The following SYNDIG1L variants were observed in gnomAD, a reference collection of about 807,000 sequenced individuals.
SYNDIG1L encodes the protein synapse differentiation inducing 1 like, also known as synapse differentiation-inducing gene protein 1-like.
Under a neutral mutation model 20.1 loss-of-function variants are expected in SYNDIG1L, and 13 were observed. The ratio of observed to expected loss-of-function variants is 0.65; its 90% CI spans 0.42 to 1.03. SYNDIG1L has a LOEUF of 1.03. Among genes scored for constraint, SYNDIG1L ranks in the 50% least tolerant of loss-of-function variants. The pLI, the probability that SYNDIG1L is intolerant of heterozygous loss-of-function variation, is 0.00. For synonymous variants in SYNDIG1L, 128 were observed against 129.3 expected (o/e 0.99, Z 0.07); for missense variants, 294 against 305.1 (o/e 0.96, Z 0.27).
At chr14:74,431,516 C>T in the SYNDIG1L span, among the ~76,000 whole-genome samples, 1 of 152,082 alleles carries the variant, frequency 6.6e-6, no homozygotes, top group African/African-American at 2.4e-5. Context: ...TTTTAATCCT[C>T]AAAATAATTC....
the SYNDIG1L span, chr14:74,476,551 G>A: frequency 6.5e-7 from 1 of 1,535,580 alleles, no homozygotes; most frequent in East Asian, 2.4e-5. Flanking sequence ...TGTGCTCTGT[G>A]GCTAGCATTG....
chr14:74,460,889 A>G, the SYNDIG1L span, among the ~76,000 whole-genome samples: 1 of 151,916 alleles, frequency 6.6e-6, no homozygotes, highest in Non-Finnish European at 1.5e-5. Context: ...GCTCAAAGTG[A>G]TCTGCCCGCC....
chr14:74,432,732 T>A, the SYNDIG1L span, among the ~76,000 whole-genome samples: 5 of 152,120 alleles, frequency 3.3e-5, no homozygotes, highest in Non-Finnish European at 7.3e-5. Context: ...GGCATGCCTG[T>A]AGTCCCAGCT....
At chr14:74,439,145 G>C in the SYNDIG1L span, among the ~76,000 whole-genome samples, 1 of 149,740 alleles carries the variant, frequency 6.7e-6, no homozygotes, top group Non-Finnish European at 1.5e-5. Flanking sequence ...GGCTCAGCTC[G>C]GGGGTTTCCT....
At chr14:74,466,339 T>C in the SYNDIG1L span, among the ~76,000 whole-genome samples, 1 of 151,812 alleles carries the variant, frequency 6.6e-6, no homozygotes, top group Non-Finnish European at 1.5e-5. Flanking sequence ...ACTGGTTGGG[T>C]GGGTGGATAG....
rs2086088178 is a variant in SYNDIG1L at position 74,407,026 on chromosome 14, G to T, written c.*509C>A. On this transcript the variant is annotated 3_prime_UTR_variant, in exon 4 of 4. Coordinates refer to ENST00000331628, the MANE Select transcript of SYNDIG1L (RefSeq NM_001105579.2). Reference sequence around the variant, plus strand: ...ACGTATTTCCTTCTTGGCCTGCTGAGGTCTGGGCATGATGGGGCCAGACAG... The same window carrying T: ...ACGTATTTCCTTCTTGGCCTGCTGATGTCTGGGCATGATGGGGCCAGACAG... The T allele has an allele frequency of 6.1e-6, 1 of 163,564 alleles. No homozygotes were observed. The highest frequency in any genetic ancestry group is 1.3e-5 in the Non-Finnish European group (1 of 74,540). 10.1% of individuals were successfully genotyped at this position (163,564 alleles called of 1,614,324 possible). A position where few individuals can be genotyped will look rare whatever the true frequency, so the allele number is the denominator to read the frequency against.
the SYNDIG1L span, among the ~76,000 whole-genome samples, chr14:74,475,368 G>T: frequency 6.6e-6 from 1 of 150,992 alleles, no homozygotes; most frequent in East Asian, 1.9e-4. Flanking sequence ...GGAAATTAAG[G>T]CCCTAAGAGG....
At chr14:74,412,023 T>C (rs2086134943) in intron 1 of SYNDIG1L, among the ~76,000 whole-genome samples, 1 of 152,184 alleles carries the variant, frequency 6.6e-6, no homozygotes, top group African/African-American at 2.4e-5. Context: ...CAGACGTCTC[T>C]CCACAGGCAG....
the SYNDIG1L span, among the ~76,000 whole-genome samples, chr14:74,435,957 C>T: frequency 6.6e-6 from 1 of 152,150 alleles, no homozygotes; most frequent in African/African-American, 2.4e-5. Flanking sequence ...CTGTAAAATC[C>T]TCTACTTGGC....
chr14:74,452,105 G>C, the SYNDIG1L span, among the ~76,000 whole-genome samples: 1 of 151,708 alleles, frequency 6.6e-6, no homozygotes. Flanking sequence ...TATAGAAATG[G>C]CAAGTAAACA....
chr14:74,456,055 C>T, the SYNDIG1L span, among the ~76,000 whole-genome samples: 1 of 152,218 alleles, frequency 6.6e-6, no homozygotes, highest in Non-Finnish European at 1.5e-5. Context: ...CCAATGATTT[C>T]TGTAGGAGTC....
intron 1 of SYNDIG1L, among the ~76,000 whole-genome samples, chr14:74,417,803 T>C (rs1216559881): frequency 2.0e-5 from 3 of 152,140 alleles, no homozygotes; most frequent in Non-Finnish European, 1.5e-5. Context: ...TTGAATGAGT[T>C]AAAACCAGAG....
chr14:74,410,213 C>T (rs1198447782), intron 1 of SYNDIG1L, among the ~76,000 whole-genome samples: 2 of 152,174 alleles, frequency 1.3e-5, no homozygotes, highest in African/African-American at 4.8e-5. Context: ...TGAAGAAGTA[C>T]AGCAGGTGCA....
Position 74,407,542 on chromosome 14 carries a change from T to C in SYNDIG1L, c.710A>G (p.His237Arg). ...TGCAGGCCCTACTGGCTACTAGCCATGACCGTTCTGGGACATGTAAGCTGC... is the reference window on the plus strand; with the variant it reads ...TGCAGGCCCTACTGGCTACTAGCCACGACCGTTCTGGGACATGTAAGCTGC... ...ALAAYMSQNG[H>R]G Residue 237 changes from histidine (H) to arginine (R), a missense_variant, in exon 4 of 4, where the codon CAT (histidine) becomes CGT (arginine). By Grantham distance (29) the His-to-Arg change is conservative. Transcript: ENST00000331628. 2.5e-6 allele frequency: 4 copies of C among 1,613,818 alleles called. No homozygotes were observed. The highest frequency in any genetic ancestry group is 3.4e-6 in the Non-Finnish European group (4 of 1,179,882).
the SYNDIG1L span, among the ~76,000 whole-genome samples, chr14:74,440,621 C>A: frequency 6.6e-6 from 1 of 151,458 alleles, no homozygotes; most frequent in Non-Finnish European, 1.5e-5. Context: ...GGAGGCAGAG[C>A]TTGCAGTAAG....
chr14:74,458,554 G>A, the SYNDIG1L span, among the ~76,000 whole-genome samples: 99 of 150,696 alleles, frequency 6.6e-4, no homozygotes, highest in Non-Finnish European at 2.2e-4. Context: ...CCCAGGAGGC[G>A]GAGGTTGCAG....
chr14:74,478,160 G>A, the SYNDIG1L span, among the ~76,000 whole-genome samples: 3 of 152,080 alleles, frequency 2.0e-5, no homozygotes, highest in East Asian at 1.9e-4. Context: ...CCTTACAGGA[G>A]CTTTTATGGA....
intron 1 of SYNDIG1L, among the ~76,000 whole-genome samples, chr14:74,416,678 A>G (rs2086178088): frequency 6.6e-6 from 1 of 152,060 alleles, no homozygotes; most frequent in South Asian, 2.1e-4. Flanking sequence ...AACAAAAAAG[A>G]TAGATTGGAC....
chr14:74,410,890 G>A (rs1036797981), intron 1 of SYNDIG1L, among the ~76,000 whole-genome samples: 1 of 152,138 alleles, frequency 6.6e-6, no homozygotes, highest in African/African-American at 2.4e-5. Context: ...GGGCCTCCTG[G>A]GTTCTGAGGT....
Sources: gnomAD v4.1 joint callset for allele counts (sites outside exome capture counted in the v4.1 genomes callset) on GRCh38, gnomAD v4.1.1 for gene constraint, MANE v1.5 for transcripts, NCBI Gene and HGNC (gene_info 2026-07-23, HGNC 2026-07-21) for gene names.